CDH18: variants seen among roughly 807,000 people sequenced by gnomAD.
The protein encoded by CDH18 is cadherin 18, also known as cadherin-18.
CDH18 carries 31 observed loss-of-function variants against 67.9 expected under a neutral mutation model. The ratio of observed to expected loss-of-function variants is 0.46; its 90% CI spans 0.34 to 0.62. The LOEUF (loss-of-function observed/expected upper bound fraction) is 0.62, where lower values mean the gene tolerates loss of function less well. CDH18 is among the 20% of genes least tolerant of loss of function. CDH18 has a pLI of 0.01. For synonymous variants in CDH18, 362 were observed against 347.2 expected (o/e 1.04, Z -0.48); for missense variants, 890 against 975.5 (o/e 0.91, Z 1.17).
In CDH18 at chr5:20,191,530, AG is replaced by A. The variant is rs572271596; in HGVS notation, c.-518+63913del. Among the ~76,000 whole-genome samples, 48 of 151,848 alleles carry A rather than the reference AG, an allele frequency of 3.2e-4. 1 individual carries two copies. The East Asian group carries it at 7.6e-3, about 24-fold the overall frequency. ...CCTCCCCTCACCCCCATCCCCCAAC[AG>A]GCCCTGGTGTGTGTTGTTCTCCTCT... On this transcript the variant is annotated intron_variant, in intron 2 of 14. Coordinates refer to the CDH18 transcript ENST00000507958.
chr5:20,426,994 T>C (rs1043146152), intron 1 of CDH18, among the ~76,000 whole-genome samples: 5 of 151,086 alleles, frequency 3.3e-5, no homozygotes, highest in Non-Finnish European at 5.9e-5. Flanking sequence ...TTAAATTGGA[T>C]TGTGATTGAA....
intron 1 of CDH18, among the ~76,000 whole-genome samples, chr5:20,436,053 C>T (rs1439113476): frequency 6.6e-6 from 1 of 151,986 alleles, no homozygotes; most frequent in African/African-American, 2.4e-5. Context: ...TTTTAAATCT[C>T]ATAACAATAT....
intron 1 of CDH18, among the ~76,000 whole-genome samples, chr5:20,265,004 G>A (rs1020330074): frequency 1.3e-5 from 2 of 152,096 alleles, no homozygotes; most frequent in African/African-American, 2.4e-5. Context: ...ATAATGATAC[G>A]AGAGACGAGT....
At chr5:20,265,722 A>G (rs1225758432) in intron 1 of CDH18, among the ~76,000 whole-genome samples, 1 of 152,236 alleles carries the variant, frequency 6.6e-6, no homozygotes. Flanking sequence ...TGCTAGAGCA[A>G]TGAGCACTCT....
chr5:20,442,274 C>T (rs1749664881), intron 1 of CDH18, among the ~76,000 whole-genome samples: 1 of 151,806 alleles, frequency 6.6e-6, no homozygotes, highest in South Asian at 2.1e-4. Flanking sequence ...CTCTTAGCAT[C>T]AATAATTTTT....
chr5:20,403,026 A>AAT (rs894642346), intron 1 of CDH18, among the ~76,000 whole-genome samples: 14 of 151,474 alleles, frequency 9.2e-5, no homozygotes, highest in African/African-American at 3.2e-4. Flanking sequence ...AATACAAAAA[A>AAT]AAAAAAAATA....
intron 1 of CDH18, among the ~76,000 whole-genome samples, chr5:20,416,022 T>C (rs1039781): frequency 1.3e-5 from 2 of 152,056 alleles, no homozygotes; most frequent in South Asian, 2.1e-4. Context: ...ATGAGTATGA[T>C]GTTTCAGTTA....
intron 1 of CDH18, among the ~76,000 whole-genome samples, chr5:20,538,976 C>A (rs998919227): frequency 7.4e-6 from 1 of 135,600 alleles, no homozygotes; most frequent in African/African-American, 2.6e-5. Flanking sequence ...GCAACATCTG[C>A]CTCCTGGGTT....
intron 2 of CDH18, among the ~76,000 whole-genome samples, chr5:19,884,640 C>A (rs938803435): frequency 7.2e-5 from 11 of 151,846 alleles, no homozygotes; most frequent in African/African-American, 2.7e-4. Context: ...CTTATGACAA[C>A]TCTGTGTTTT....
chr5:19,971,512 T>C (rs1438934179), intron 2 of CDH18, among the ~76,000 whole-genome samples: 4 of 152,096 alleles, frequency 2.6e-5, no homozygotes, highest in African/African-American at 9.6e-5. Context: ...AAAGATCATT[T>C]GCGAAACTTG....
rs142756198 is a variant in CDH18, at chr5:20,039,694, C to T, written c.-517-47680G>A. ...TTCCTTACACCTTATACAAAAATTACCTCAAGATGGATTAAAGACTTAAAC... is the reference window on the plus strand; with the variant it reads ...TTCCTTACACCTTATACAAAAATTATCTCAAGATGGATTAAAGACTTAAAC... On this transcript the variant is annotated intron_variant, in intron 2 of 14. Transcript: ENST00000507958. 0.018 allele frequency among the ~76,000 whole-genome samples: 2,756 copies of T among 151,920 alleles called. 178 individuals carry two copies. In the East Asian group the frequency reaches 0.25, roughly 14 times the overall value.
At chr5:19,745,653 G>A (rs1238447809) in intron 4 of CDH18, among the ~76,000 whole-genome samples, 1 of 152,170 alleles carries the variant, frequency 6.6e-6, no homozygotes, top group African/African-American at 2.4e-5. Flanking sequence ...TCTCCTTGGA[G>A]ATCAATAAGC....
At chr5:20,215,331 C>A (rs1224650412) in intron 2 of CDH18, among the ~76,000 whole-genome samples, 3 of 151,610 alleles carry the variant, frequency 2.0e-5, no homozygotes, top group Non-Finnish European at 4.4e-5. Flanking sequence ...TCTGTCTACA[C>A]GGACATAAAG....
chr5:19,514,046 T>C (rs978610622), intron 10 of CDH18, among the ~76,000 whole-genome samples: 1 of 152,152 alleles, frequency 6.6e-6, no homozygotes, highest in Admixed American at 6.6e-5. Context: ...CCACCCTGTG[T>C]CCAAGTGTTT....
intron 2 of CDH18, among the ~76,000 whole-genome samples, chr5:20,003,756 G>C (rs190062908): frequency 6.6e-6 from 1 of 152,042 alleles, no homozygotes; most frequent in Non-Finnish European, 1.5e-5. Context: ...AAATTAGCCG[G>C]GCGTGGTGGC....
At chr5:20,489,289 A>G (rs1236178861) in intron 1 of CDH18, among the ~76,000 whole-genome samples, 1 of 152,086 alleles carries the variant, frequency 6.6e-6, no homozygotes, top group Non-Finnish European at 1.5e-5. Context: ...TGGATGGCAA[A>G]CAAATGATAC....
intron 1 of CDH18, among the ~76,000 whole-genome samples, chr5:20,413,017 T>C (rs1467720227): frequency 2.0e-5 from 3 of 152,210 alleles, no homozygotes; most frequent in Admixed American, 6.5e-5. Flanking sequence ...TGCGTCCAAG[T>C]GTTCTCATTG....
At chr5:20,136,754 T>A (rs1371115797) in intron 2 of CDH18, among the ~76,000 whole-genome samples, 19 of 152,182 alleles carry the variant, frequency 1.2e-4, no homozygotes, top group Admixed American at 1.2e-3. Context: ...GTTTAGTGCT[T>A]CCTTCAGGAG....
At chr5:19,928,790 G>A (rs571926293) in intron 2 of CDH18, among the ~76,000 whole-genome samples, 1 of 152,074 alleles carries the variant, frequency 6.6e-6, no homozygotes, top group East Asian at 1.9e-4. Flanking sequence ...TAAATGCATT[G>A]GCTGCACAGT....
Sources: allele counts gnomAD v4.1 joint callset (sites outside exome capture counted in the v4.1 genomes callset), GRCh38; gene constraint gnomAD v4.1.1; transcripts MANE v1.5; gene names NCBI Gene and HGNC (gene_info 2026-07-23, HGNC 2026-07-21).